Variants in PCDH15 observed in about 807,000 individuals in gnomAD.
PCDH15 encodes protocadherin related 15, also known as protocadherin-15.
Under a neutral mutation model 178.5 loss-of-function variants are expected in PCDH15, and 129 were observed. The observed-to-expected ratio is 0.72, with a 90% confidence interval of 0.63 to 0.84. The LOEUF is 0.84. PCDH15 is among the 40% of genes least tolerant of loss of function. PCDH15 has a pLI of 0.00. For synonymous variants in PCDH15, 800 were observed against 732.0 expected (o/e 1.09, Z -1.50); for missense variants, 2,230 against 2,099.9 (o/e 1.06, Z -1.21).
chr10:54,428,543 A>G (rs529072126), intron 3 of PCDH15, among the ~76,000 whole-genome samples: 1 of 152,340 alleles, frequency 6.6e-6, no homozygotes, highest in East Asian at 1.9e-4. Flanking sequence ...GTAGGTAAGC[A>G]TGTCGGTATG....
intron 2 of PCDH15, among the ~76,000 whole-genome samples, chr10:54,901,449 A>C (rs1245303830): frequency 6.6e-6 from 1 of 152,140 alleles, no homozygotes; most frequent in Non-Finnish European, 1.5e-5. Context: ...TGGTGTTTAT[A>C]AGACACAGAT....
chr10:54,660,722 G>C (rs1365948344), intron 2 of PCDH15, among the ~76,000 whole-genome samples: 1 of 152,072 alleles, frequency 6.6e-6, no homozygotes, highest in Non-Finnish European at 1.5e-5. Flanking sequence ...CAAAATGCTA[G>C]TGAACCAAAT....
intron 2 of PCDH15, among the ~76,000 whole-genome samples, chr10:55,091,632 C>A (rs1482241609): frequency 6.6e-6 from 1 of 151,842 alleles, no homozygotes; most frequent in African/African-American, 2.4e-5. Flanking sequence ...TGAAAGGTAA[C>A]TATCATTTAA....
chr10:54,272,345 C>G (rs2058100680), intron 8 of PCDH15, among the ~76,000 whole-genome samples: 2 of 151,852 alleles, frequency 1.3e-5, no homozygotes, highest in African/African-American at 4.8e-5. Flanking sequence ...AGGACTCCCA[C>G]TGTTTCAACA....
At chr10:54,902,950 C>A (rs1052807373) in intron 2 of PCDH15, among the ~76,000 whole-genome samples, 4 of 152,082 alleles carry the variant, frequency 2.6e-5, no homozygotes, top group African/African-American at 9.7e-5. Context: ...GTTTTTCTTT[C>A]CTAATTAGGG....
chr10:55,556,853 GT>G (rs1018081220), intron 2 of PCDH15, among the ~76,000 whole-genome samples: 18 of 152,096 alleles, frequency 1.2e-4, no homozygotes, highest in African/African-American at 3.9e-4. Flanking sequence ...AAACAAAAAA[GT>G]TTTTTACATT....
At chr10:54,165,230 G>A (rs72797088) in intron 13 of PCDH15, among the ~76,000 whole-genome samples, 4,513 of 152,074 alleles carry the variant, frequency 0.03, 87 homozygotes, top group Middle Eastern at 0.082. Flanking sequence ...CTTCTCTTAC[G>A]CATATCCTAG....
At chr10:54,622,170 AAG>A in intron 2 of PCDH15, among the ~76,000 whole-genome samples, 1 of 151,882 alleles carries the variant, frequency 6.6e-6, no homozygotes, top group South Asian at 2.1e-4. Flanking sequence ...CTGTCATAGG[AAG>A]AGATATTTTA....
intron 1 of PCDH15, among the ~76,000 whole-genome samples, chr10:55,181,597 A>C (rs934109746): frequency 5.9e-5 from 9 of 152,102 alleles, no homozygotes; most frequent in Admixed American, 3.3e-4. Context: ...ATAATTTTCT[A>C]AGAGTGTCAA....
intron 2 of PCDH15, among the ~76,000 whole-genome samples, chr10:55,626,820 A>G (rs1266293708): frequency 6.6e-6 from 1 of 152,202 alleles, no homozygotes; most frequent in African/African-American, 2.4e-5. Context: ...ACTAAAAAGG[A>G]TCAGATACTT....
At chr10:55,421,097 A>C (rs1391506094) in intron 2 of PCDH15, among the ~76,000 whole-genome samples, 1 of 151,620 alleles carries the variant, frequency 6.6e-6, no homozygotes, top group Admixed American at 6.6e-5. Flanking sequence ...AGGGGGTCTA[A>C]ACCCAACTGA....
chr10:54,584,203 C>A (rs2091280876), intron 2 of PCDH15, among the ~76,000 whole-genome samples: 1 of 151,922 alleles, frequency 6.6e-6, no homozygotes, highest in African/African-American at 2.4e-5. Flanking sequence ...GGCAACATAA[C>A]AAGACCCCAT....
chr10:54,999,730 G>A (rs1044434022), intron 2 of PCDH15, among the ~76,000 whole-genome samples: 39 of 152,300 alleles, frequency 2.6e-4, no homozygotes, highest in Admixed American at 1.2e-3. Context: ...GATATCGGGC[G>A]AAATTCACCC....
intron 3 of PCDH15, among the ~76,000 whole-genome samples, chr10:54,810,192 G>A (rs1952840928): frequency 6.6e-6 from 1 of 152,170 alleles, no homozygotes; most frequent in Middle Eastern, 3.4e-3. Context: ...CACCCTTGGG[G>A]CATCTTATGA....
At chr10:54,167,947 C>T (rs1051419279) in intron 13 of PCDH15, among the ~76,000 whole-genome samples, 1 of 151,364 alleles carries the variant, frequency 6.6e-6, no homozygotes, top group African/African-American at 2.4e-5. Flanking sequence ...AGGTAAGAAC[C>T]CCCGAACCCC....
chr10:53,993,047 A>C (rs2134851244), intron 21 of PCDH15, among the ~76,000 whole-genome samples: 1 of 152,374 alleles, frequency 6.6e-6, no homozygotes, highest in South Asian at 2.1e-4. Flanking sequence ...CAAAAGAAAC[A>C]GGATACCTTG....
intron 2 of PCDH15, among the ~76,000 whole-genome samples, chr10:55,530,059 C>G (rs1400388037): frequency 6.6e-6 from 1 of 151,496 alleles, no homozygotes; most frequent in East Asian, 2.0e-4. Flanking sequence ...AGCATTGTCT[C>G]ATTACTTTTC....
intron 2 of PCDH15, among the ~76,000 whole-genome samples, chr10:55,587,101 T>C (rs1192384998): frequency 5.9e-5 from 9 of 152,058 alleles, no homozygotes; most frequent in Admixed American, 5.9e-4. Context: ...CTTAATCATA[T>C]ATGTACCTTT....
intron 2 of PCDH15, among the ~76,000 whole-genome samples, chr10:55,015,479 G>T (rs1379584132): frequency 1.3e-5 from 2 of 152,072 alleles, no homozygotes; most frequent in African/African-American, 4.8e-5. Flanking sequence ...TTTGAGTACT[G>T]AGCGCTGTTC....
Sources: gnomAD v4.1 joint callset for allele counts (sites outside exome capture counted in the v4.1 genomes callset) on GRCh38, gnomAD v4.1.1 for gene constraint, MANE v1.5 for transcripts, NCBI Gene and HGNC (gene_info 2026-07-23, HGNC 2026-07-21) for gene names.